UNC13B: variants seen among roughly 807,000 people sequenced by gnomAD.
UNC13B encodes the protein protein unc-13 homolog B.
A neutral mutation model predicts 211.0 loss-of-function variants in UNC13B; 144 were observed. The ratio of observed to expected loss-of-function variants is 0.68; its 90% CI spans 0.60 to 0.78. The LOEUF (loss-of-function observed/expected upper bound fraction) is 0.78, where lower values mean the gene tolerates loss of function less well. UNC13B is among the 30% of genes least tolerant of loss of function. The pLI is 0.00. For synonymous variants in UNC13B, 709 were observed against 725.8 expected (o/e 0.98, Z 0.37); for missense variants, 1,777 against 2,002.0 (o/e 0.89, Z 2.14).
chr9:35,182,883 C>T (rs1822020402), intron 1 of UNC13B, among the ~76,000 whole-genome samples: 1 of 152,166 alleles, frequency 6.6e-6, no homozygotes. Context: ...TCTACACAGA[C>T]ACAGTAACAA....
intron 1 of UNC13B, among the ~76,000 whole-genome samples, chr9:35,180,728 T>G (rs551137949): frequency 1.3e-5 from 2 of 152,292 alleles, no homozygotes; most frequent in South Asian, 4.1e-4. Flanking sequence ...ATTGTAGCAG[T>G]GTTTGTTTTT....
intron 10 of UNC13B, among the ~76,000 whole-genome samples, chr9:35,311,144 T>C (rs1830164004): frequency 6.6e-6 from 1 of 152,032 alleles, no homozygotes; most frequent in African/African-American, 2.4e-5. Flanking sequence ...CCTGGCTAAT[T>C]GTATGTTTAT....
Position 35,236,583 on chromosome 9 carries a change from T to G in UNC13B, c.267T>G (p.Asp89Glu). 6.2e-7 allele frequency: 1 copy of G among 1,613,658 alleles called. No homozygotes were observed. The highest frequency in any genetic ancestry group is 8.5e-7 in the Non-Finnish European group (1 of 1,179,592). ...CGCTGAAGACTATTCGTCAGTCGGA[T>G]GAGGTCAGTCATTGCATTTTCTGTT... is the stretch of plus-strand genomic sequence containing the variant. ...WIALKTIRQSDEEGPGEWSTL... is the reference protein window; with the variant it reads ...WIALKTIRQSEEEGPGEWSTL... Residue 89 changes from aspartate (D) to glutamate (E), a missense_variant, in exon 4 of 40, where the codon GAT becomes GAG. Physicochemically the swap from Asp to Glu is conservative, Grantham distance 45. Transcript: ENST00000635942.
chr9:35,339,377 G>A (rs1442987175), intron 11 of UNC13B, among the ~76,000 whole-genome samples: 1 of 152,136 alleles, frequency 6.6e-6, no homozygotes, highest in South Asian at 2.1e-4. Flanking sequence ...GTGATGAGGG[G>A]GCTGCATTGT....
chr9:35,335,078 G>A (rs558248176), intron 11 of UNC13B, among the ~76,000 whole-genome samples: 20 of 152,188 alleles, frequency 1.3e-4, no homozygotes, highest in African/African-American at 2.2e-4. Flanking sequence ...GGTATTACAC[G>A]GCCCTAAGTA....
At chr9:35,191,695 A>G (rs556181823) in intron 1 of UNC13B, among the ~76,000 whole-genome samples, 3 of 152,212 alleles carry the variant, frequency 2.0e-5, no homozygotes, top group Non-Finnish European at 2.9e-5. Flanking sequence ...CCCGGGAACT[A>G]ACTTAGCACA....
At position 35,306,373 on chromosome 9, in the gene UNC13B, G is replaced by T; in HGVS notation, c.6969G>T (p.Gln2323His). The T allele has an allele frequency of 5.0e-6, 2 of 399,018 alleles. No homozygotes were observed. The highest frequency in any genetic ancestry group is 8.8e-6 in the Non-Finnish European group (2 of 226,064). The allele number at this position is 399,018 out of a possible 1,614,324, so 24.7% of individuals were successfully genotyped here. ...NIVPGTSVDF[Q>H]MNELQKDIIP... is the part of the protein sequence containing the mutation. The stretch of plus-strand genomic sequence containing the variant: ...TACCAGGGACATCAGTGGATTTCCA[G>T]ATGAATGAATTGCAAAAAGACATTA... The change falls in exon 9 of 40, where the codon CAG (glutamine) becomes CAT (histidine). Residue 2323 changes from glutamine to histidine, a missense_variant. Coordinates refer to ENST00000635942, the MANE Select transcript of UNC13B (RefSeq NM_001371189.2).
rs1178995543 is a variant in UNC13B, at chr9:35,255,047, TA to T, written c.469-3944del. ...TATATAATATAATATATATTATATA[TA>T]ATATAATATATATTATGTATAATAT... On this transcript the variant is annotated intron_variant, in intron 6 of 39. Coordinates refer to ENST00000635942, the MANE Select transcript of UNC13B (RefSeq NM_001371189.2). 5.3e-4 allele frequency among the ~76,000 whole-genome samples: 63 copies of T among 119,404 alleles called. No homozygotes were observed. The East Asian group carries it at 8.9e-3, about 17-fold the overall frequency. 78.3% of individuals were successfully genotyped at this position (119,404 alleles called of 152,430 possible).
intron 1 of UNC13B, among the ~76,000 whole-genome samples, chr9:35,189,397 C>A (rs1304597776): frequency 1.3e-5 from 2 of 152,238 alleles, no homozygotes; most frequent in East Asian, 3.8e-4. Flanking sequence ...CCTTACCTAT[C>A]TGTAAAGCAG....
chr9:35,216,808 A>AC (rs1455253998), intron 1 of UNC13B, among the ~76,000 whole-genome samples: 1 of 152,246 alleles, frequency 6.6e-6, no homozygotes, highest in Non-Finnish European at 1.5e-5. Flanking sequence ...CTAAACACAC[A>AC]AATTTAAAGA....
chr9:35,398,693 C>A (rs1195119779), intron 32 of UNC13B, 51 bp downstream of exon 32: 1 of 1,600,772 alleles, frequency 6.2e-7, no homozygotes, highest in African/African-American at 1.3e-5. Context: ...GGTCCCTAGC[C>A]AATCCCAGAG....
At chr9:35,399,071 G>A (rs1383387439) in intron 33 of UNC13B, 37 bp downstream of exon 33, 5 of 1,613,486 alleles carry the variant, frequency 3.1e-6, no homozygotes, top group Middle Eastern at 1.6e-4. Context: ...GTGGGGATGA[G>A]CAAAGCAGAT....
intron 11 of UNC13B, among the ~76,000 whole-genome samples, chr9:35,348,722 A>G (rs1238432831): frequency 6.6e-6 from 1 of 152,164 alleles, no homozygotes; most frequent in East Asian, 1.9e-4. Context: ...AGCTTTATAT[A>G]ATAACATTCC....
intron 11 of UNC13B, among the ~76,000 whole-genome samples, chr9:35,322,758 A>C (rs1360058199): frequency 6.6e-6 from 1 of 152,150 alleles, no homozygotes; most frequent in Non-Finnish European, 1.5e-5. Flanking sequence ...TGCACCATTC[A>C]GACTTTGCAC....
Position 35,385,785 on chromosome 9 carries a change from T to G in UNC13B, c.10937T>G (p.Leu3646Arg). The change falls in exon 23 of 40, where the codon CTG (leucine) becomes CGG (arginine). Residue 3646 changes from leucine (L) to arginine (R), a missense_variant. Leu to Arg is a moderately radical substitution (Grantham distance 102). Transcript: ENST00000635942. ...GACTTAAAATCCACAGTGGATTTGCTGACCAGCATTACTTTCTTCAGAATG... is the reference window on the plus strand; with the variant it reads ...GACTTAAAATCCACAGTGGATTTGCGGACCAGCATTACTTTCTTCAGAATG... Reference protein sequence around the residue: ...LQDLKSTVDLLTSITFFRMKV... With the variant: ...LQDLKSTVDLRTSITFFRMKV... The G allele has an allele frequency of 6.2e-7, 1 of 1,609,742 alleles. No homozygotes were observed. Among genetic ancestry groups the G allele is most frequent in the Non-Finnish European group, 8.5e-7 (1 of 1,176,300 alleles).
chr9:35,384,678 A>G, intron 22 of UNC13B: 2 of 985,112 alleles, frequency 2.0e-6, no homozygotes. Context: ...ATTTTTCCAT[A>G]CTCTCCTCGT....
At chr9:35,282,637 G>C (rs1828566513) in intron 7 of UNC13B, among the ~76,000 whole-genome samples, 1 of 152,070 alleles carries the variant, frequency 6.6e-6, no homozygotes, top group South Asian at 2.1e-4. Context: ...ATTTCACCAT[G>C]TTGGCCAGGC....
rs558911856 is a variant in UNC13B at position 35,334,278 on chromosome 9, T to A, written c.9414+20289T>A. 4.6e-5 allele frequency among the ~76,000 whole-genome samples: 7 copies of A among 152,290 alleles called. No individual in the cohort carries two copies. The South Asian group carries it at 1.5e-3, about 32-fold the overall frequency. On this transcript the variant is annotated intron_variant, in intron 11 of 39. Coordinates refer to ENST00000635942, the MANE Select transcript of UNC13B (RefSeq NM_001371189.2). ...ACTGCACCTAGCCCTGATATTCATT[T>A]TTGTACCTCCCCTTACACTTGGAGA...
At chr9:35,283,059 C>T (rs981751426) in intron 7 of UNC13B, among the ~76,000 whole-genome samples, 2 of 152,086 alleles carry the variant, frequency 1.3e-5, no homozygotes, top group African/African-American at 4.8e-5. Flanking sequence ...CCAGTTTTTG[C>T]TGCTAAAACA....
Sources: gnomAD v4.1 joint callset for allele counts (sites outside exome capture counted in the v4.1 genomes callset) on GRCh38, gnomAD v4.1.1 for gene constraint, MANE v1.5 for transcripts, NCBI Gene and HGNC (gene_info 2026-07-23, HGNC 2026-07-21) for gene names.